Variants in MYLK observed in about 807,000 individuals in gnomAD.
MYLK encodes myosin light chain kinase, smooth muscle.
MYLK carries 106 observed loss-of-function variants against 203.4 expected under a neutral mutation model. The observed-to-expected ratio is 0.52, with a 90% confidence interval of 0.45 to 0.61. The LOEUF (loss-of-function observed/expected upper bound fraction) is 0.61, where lower values mean the gene tolerates loss of function less well. Among genes scored for constraint, MYLK ranks in the 20% least tolerant of loss-of-function variants. The pLI is 0.00. For missense variants in MYLK, 2,072 were observed against 2,442.3 expected (o/e 0.85, Z 3.20); for synonymous variants, 867 against 959.5 (o/e 0.90, Z 1.78).
At chr3:123,819,644 C>G (rs1353937201) in intron 3 of MYLK, among the ~76,000 whole-genome samples, 1 of 152,060 alleles carries the variant, frequency 6.6e-6, no homozygotes, top group Non-Finnish European at 1.5e-5. Context: ...TGTCATCTAC[C>G]CCTTCACATC....
chr3:123,621,829 G>T (rs1262727419), intron 31 of MYLK: 1 of 152,468 alleles, frequency 6.6e-6, no homozygotes, highest in Non-Finnish European at 1.5e-5. Flanking sequence ...GTGAGGCTGG[G>T]TCGCTGAACA....
intron 4 of MYLK, among the ~76,000 whole-genome samples, chr3:123,767,110 C>T (rs1248013545): frequency 6.6e-6 from 1 of 152,222 alleles, no homozygotes; most frequent in African/African-American, 2.4e-5. Context: ...TTCCTTTCCT[C>T]CTCCCGCCAG....
chr3:123,850,498 T>A (rs1212485198), intron 2 of MYLK, among the ~76,000 whole-genome samples: 2 of 152,244 alleles, frequency 1.3e-5, no homozygotes, highest in Non-Finnish European at 2.9e-5. Flanking sequence ...TGGCCAGTGA[T>A]GATGAGCATT....
chr3:123,869,160 C>T (rs534744651), intron 2 of MYLK, among the ~76,000 whole-genome samples: 1 of 152,166 alleles, frequency 6.6e-6, no homozygotes, highest in East Asian at 1.9e-4. Flanking sequence ...AAGCAGGGTC[C>T]TCATCCCCTA....
intron 16 of MYLK, among the ~76,000 whole-genome samples, chr3:123,704,900 A>T (rs2061400444): frequency 6.6e-6 from 1 of 152,168 alleles, no homozygotes; most frequent in South Asian, 2.1e-4. Context: ...AGCCTGGGCG[A>T]CAGAGTGAGA....
intron 1 of MYLK, among the ~76,000 whole-genome samples, chr3:123,877,483 G>C (rs2033230516): frequency 3.3e-5 from 5 of 152,198 alleles, no homozygotes. Flanking sequence ...GTGTTTCTCT[G>C]CCTGGGATAA....
intron 4 of MYLK, among the ~76,000 whole-genome samples, chr3:123,755,016 T>C (rs2063320157): frequency 6.6e-6 from 1 of 152,202 alleles, no homozygotes; most frequent in African/African-American, 2.4e-5. Context: ...AATTACACTG[T>C]TAAAGTATTC....
intron 13 of MYLK, among the ~76,000 whole-genome samples, chr3:123,717,417 T>G (rs1361077853): frequency 1.3e-5 from 2 of 152,236 alleles, no homozygotes; most frequent in Non-Finnish European, 2.9e-5. Context: ...ATTCTAGAGA[T>G]GATCTTTTCA....
At chr3:123,821,960 G>C (rs1250024476) in intron 3 of MYLK, among the ~76,000 whole-genome samples, 1 of 152,144 alleles carries the variant, frequency 6.6e-6, no homozygotes, top group Non-Finnish European at 1.5e-5. Context: ...AAGTAATGAA[G>C]GCTTTGTTCT....
At position 123,737,370 on chromosome 3, in the gene MYLK, G is replaced by C. The variant is rs764232753; in HGVS notation, c.754+8C>G. On this transcript the variant is annotated splice_region_variant and intron_variant, in intron 8 of 33. Transcript: ENST00000360304. The stretch of plus-strand genomic sequence containing the variant: ...ATCGTTCTGCACTAGCCGTCCACTG[G>C]TCGATACCTTGGATGGAAAGTTCAG... 2.5e-6 allele frequency: 4 copies of C among 1,614,116 alleles called. No individual in the cohort carries two copies. The highest frequency in any genetic ancestry group is 3.4e-6 in the Non-Finnish European group (4 of 1,180,022).
rs1235855967 is a variant in MYLK, at chr3:123,688,216, C to T, written c.3565+4519G>A. Among the ~76,000 whole-genome samples the T allele has an allele frequency of 1.4e-4, 21 of 152,210 alleles. No homozygotes were observed. The East Asian group carries it at 3.9e-3, about 28-fold the overall frequency. On this transcript the variant is annotated intron_variant, in intron 19 of 33. Coordinates refer to ENST00000360304, the MANE Select transcript of MYLK (RefSeq NM_053025.4). ...GTGTGGATGGCTCCCTGTATCCCAC[C>T]TCCAACTCTGACCTCCCCCTCAACT...
chr3:123,730,849 C>T (rs1055612734), intron 11 of MYLK, among the ~76,000 whole-genome samples: 4 of 152,126 alleles, frequency 2.6e-5, no homozygotes, highest in African/African-American at 9.7e-5. Context: ...GGCCACACAA[C>T]TCTGTGAATA....
At position 123,647,546 on chromosome 3, in the gene MYLK, G is replaced by A. The variant is rs920394717; in HGVS notation, c.4416-119C>T. 3 of 849,562 alleles carry A rather than the reference G, an allele frequency of 3.5e-6. No individual in the cohort carries two copies. The African/African-American group carries it at 5.0e-5, about 14-fold the overall frequency. 52.6% of individuals were successfully genotyped at this position (849,562 alleles called of 1,614,324 possible). On this transcript the variant is annotated intron_variant, in intron 26 of 33. Coordinates refer to ENST00000360304, the MANE Select transcript of MYLK (RefSeq NM_053025.4). ...GCCCACCTCCTTTTATAAGTAAGGT[G>A]TTACTGGAGCACAGCCCTGCCTGGC...
At chr3:123,820,692 T>C (rs992389990) in intron 3 of MYLK, among the ~76,000 whole-genome samples, 5 of 150,394 alleles carry the variant, frequency 3.3e-5, no homozygotes, top group Admixed American at 1.3e-4. Context: ...CCTTCCCTCC[T>C]TCCTTCCTTC....
At chr3:123,728,861 C>A (rs1020412855) in intron 11 of MYLK, among the ~76,000 whole-genome samples, 1 of 152,114 alleles carries the variant, frequency 6.6e-6, no homozygotes. Flanking sequence ...TTGTTTAATC[C>A]GACTCAAAGT....
At chr3:123,632,461 A>C (rs16834493) in intron 29 of MYLK, among the ~76,000 whole-genome samples, 14,210 of 152,110 alleles carry the variant, frequency 0.093, 1,556 homozygotes, top group East Asian at 0.36. Context: ...AGGAACTATA[A>C]TCCTGCAAAG....
At chr3:123,810,502 T>C (rs965365633) in intron 3 of MYLK, among the ~76,000 whole-genome samples, 1 of 152,312 alleles carries the variant, frequency 6.6e-6, no homozygotes, top group African/African-American at 2.4e-5. Flanking sequence ...CCTCTCTGCT[T>C]CATTTCTGGC....
chr3:123,703,629 C>T lies in MYLK; in HGVS notation c.2391-2120G>A, dbSNP rs184714163. Among the ~76,000 whole-genome samples, 12 of 152,264 alleles carry T rather than the reference C, an allele frequency of 7.9e-5. No individual in the cohort carries two copies. The East Asian group carries it at 1.9e-3, about 25-fold the overall frequency. On this transcript the variant is annotated intron_variant, in intron 16 of 33. Transcript: ENST00000360304. ...GAACGAAGAGGTCCTCAGTGTGCCC[C>T]GAGTTCTCAACACTTAAAAAGGCTT...
rs753896856 is a variant in MYLK, at chr3:123,664,173, C to G, written c.3917G>C (p.Gly1306Ala). ...GTTCTCCACCAGCAGTGTGTAGCAG[C>G]CGCAGTGCTCCTGGCGCGCGGCCAG... ...TILAARQEHCGCYTLLVENKL... is the reference protein window; with the variant it reads ...TILAARQEHCACYTLLVENKL... The change falls in exon 23 of 34, where the codon GGC (glycine) becomes GCC (alanine). Residue 1306 changes from glycine (G) to alanine (A), a missense_variant. This residue lies in a region of MYLK where 524 missense variants were observed against 782.4 expected (regional missense o/e 0.67). Coordinates refer to ENST00000360304, the MANE Select transcript of MYLK (RefSeq NM_053025.4). The G allele has an allele frequency of 1.2e-6, 2 of 1,614,044 alleles. No individual in the cohort carries two copies. The highest frequency in any genetic ancestry group is 8.5e-7 in the Non-Finnish European group (1 of 1,180,012).
Sources: gnomAD v4.1 joint callset for allele counts (sites outside exome capture counted in the v4.1 genomes callset) on GRCh38, gnomAD v4.1.1 for gene constraint, gnomAD v4.1.1 regional missense constraint, MANE v1.5 for transcripts, NCBI Gene and HGNC (gene_info 2026-07-23, HGNC 2026-07-21) for gene names.